NTNG1: variants seen among roughly 807,000 people sequenced by gnomAD.
The protein encoded by NTNG1 is netrin-G1.
Under a neutral mutation model 54.0 loss-of-function variants are expected in NTNG1, and 16 were observed. The ratio of observed to expected loss-of-function variants is 0.30; its 90% CI spans 0.20 to 0.45. NTNG1 has a LOEUF of 0.45. Among genes scored for constraint, NTNG1 ranks in the 20% least tolerant of loss-of-function variants. NTNG1 has a pLI of 1.00. For missense variants in NTNG1, 530 were observed against 678.7 expected (o/e 0.78, Z 2.43); for synonymous variants, 255 against 263.1 (o/e 0.97, Z 0.30).
intron 7 of NTNG1, among the ~76,000 whole-genome samples, chr1:107,451,487 G>T (rs1676624497): frequency 6.6e-6 from 1 of 152,156 alleles, no homozygotes; most frequent in South Asian, 2.1e-4. Flanking sequence ...GACTGTAAGT[G>T]TGACTGTCAT....
At chr1:107,377,820 C>T (rs897091727) in intron 3 of NTNG1, among the ~76,000 whole-genome samples, 2 of 152,244 alleles carry the variant, frequency 1.3e-5, no homozygotes, top group Non-Finnish European at 2.9e-5. Context: ...AGACTTACGT[C>T]ACTAACCAGA....
At chr1:107,310,711 TG>T (rs1189670630) in intron 2 of NTNG1, among the ~76,000 whole-genome samples, 2 of 151,914 alleles carry the variant, frequency 1.3e-5, no homozygotes, top group African/African-American at 2.4e-5. Flanking sequence ...TAGAAAATCT[TG>T]GGGGGGAAAG....
chr1:107,149,412 T>C (rs1452557657), intron 2 of NTNG1, among the ~76,000 whole-genome samples: 1 of 152,156 alleles, frequency 6.6e-6, no homozygotes, highest in Non-Finnish European at 1.5e-5. Context: ...AGAAAAATCT[T>C]ATTTGCCAAC....
At chr1:107,435,896 A>C (rs879851714) in intron 6 of NTNG1, among the ~76,000 whole-genome samples, 2 of 152,174 alleles carry the variant, frequency 1.3e-5, no homozygotes, top group Admixed American at 6.5e-5. Flanking sequence ...AGCAAAATAG[A>C]GCTTCAGAAG....
chr1:107,195,854 T>C (rs947126848), intron 2 of NTNG1, among the ~76,000 whole-genome samples: 1 of 151,974 alleles, frequency 6.6e-6, no homozygotes, highest in Non-Finnish European at 1.5e-5. Flanking sequence ...CTAGACACGC[T>C]TTCTAAAATG....
chr1:107,297,170 ACAT>A (rs1666004480), intron 2 of NTNG1, among the ~76,000 whole-genome samples: 1 of 142,324 alleles, frequency 7.0e-6, no homozygotes, highest in Non-Finnish European at 1.5e-5. Flanking sequence ...CATATATATA[ACAT>A]CATATAACAT....
intron 3 of NTNG1, among the ~76,000 whole-genome samples, chr1:107,356,440 CCCA>C (rs1475872707): frequency 6.6e-6 from 1 of 151,898 alleles, no homozygotes; most frequent in Non-Finnish European, 1.5e-5. Context: ...ATTACAGGCG[CCCA>C]CCACCACACC....
intron 2 of NTNG1, among the ~76,000 whole-genome samples, chr1:107,166,606 T>G (rs1305138999): frequency 2.6e-5 from 4 of 152,136 alleles, no homozygotes; most frequent in African/African-American, 9.7e-5. Flanking sequence ...AATATAAAGA[T>G]CCAATTCAAA....
chr1:107,248,420 A>G (rs1403650960), intron 2 of NTNG1, among the ~76,000 whole-genome samples: 1 of 152,206 alleles, frequency 6.6e-6, no homozygotes, highest in East Asian at 1.9e-4. Context: ...GGTTTAGGAA[A>G]GTCTGGGATT....
intron 4 of NTNG1, among the ~76,000 whole-genome samples, chr1:107,403,962 T>C (rs999647390): frequency 1.3e-5 from 2 of 151,916 alleles, no homozygotes; most frequent in African/African-American, 4.8e-5. Flanking sequence ...TTCCTTCCGT[T>C]CTTTTTAATT....
At chr1:107,221,783 G>C (rs972202436) in intron 2 of NTNG1, among the ~76,000 whole-genome samples, 3 of 152,096 alleles carry the variant, frequency 2.0e-5, no homozygotes, top group Non-Finnish European at 4.4e-5. Context: ...GGACATTTTT[G>C]ACCAAAGGAG....
chr1:107,218,726 G>T (rs989663768), intron 2 of NTNG1, among the ~76,000 whole-genome samples: 13 of 152,128 alleles, frequency 8.5e-5, no homozygotes, highest in African/African-American at 3.1e-4. Context: ...TAGTTTTGCT[G>T]AATACAAAAT....
At chr1:107,359,075 C>A (rs536967165) in intron 3 of NTNG1, among the ~76,000 whole-genome samples, 2 of 152,166 alleles carry the variant, frequency 1.3e-5, no homozygotes, top group Non-Finnish European at 2.9e-5. Flanking sequence ...AACACACACA[C>A]AGGAAATTGC....
chr1:107,385,449 G>T (rs1570826857), intron 3 of NTNG1, among the ~76,000 whole-genome samples: 2 of 152,002 alleles, frequency 1.3e-5, no homozygotes, highest in African/African-American at 4.8e-5. Context: ...AGAAATTGAG[G>T]AATGAGTTTC....
intron 2 of NTNG1, among the ~76,000 whole-genome samples, chr1:107,199,311 G>C (rs1175449085): frequency 2.8e-5 from 4 of 140,430 alleles, no homozygotes; most frequent in Non-Finnish European, 6.2e-5. Flanking sequence ...CTGGAATTTG[G>C]CACACATTAC....
chr1:107,141,396 C>G (rs1653683963), intron 1 of NTNG1: 1 of 149,966 alleles, frequency 6.7e-6, no homozygotes, highest in Non-Finnish European at 1.5e-5. Context: ...GCTGGCTGCG[C>G]AGGGCCGCCG....
intron 7 of NTNG1, among the ~76,000 whole-genome samples, chr1:107,473,745 A>G (rs998807066): frequency 1.3e-5 from 2 of 152,216 alleles, no homozygotes; most frequent in African/African-American, 4.8e-5. Context: ...ACTCATGGCA[A>G]TTGTGAGAGC....
At chr1:107,265,888 C>T (rs1467883866) in intron 2 of NTNG1, among the ~76,000 whole-genome samples, 1 of 152,092 alleles carries the variant, frequency 6.6e-6, no homozygotes, top group Non-Finnish European at 1.5e-5. Context: ...CTCTTTAATT[C>T]AATATCCAGT....
chr1:107,247,941 C>T (rs1662309402), intron 2 of NTNG1, among the ~76,000 whole-genome samples: 1 of 152,188 alleles, frequency 6.6e-6, no homozygotes, highest in Non-Finnish European at 1.5e-5. Context: ...TGGAGAGGCT[C>T]AGACTCACCA....
Sources: allele counts gnomAD v4.1 joint callset (sites outside exome capture counted in the v4.1 genomes callset), GRCh38; gene constraint gnomAD v4.1.1; transcripts MANE v1.5; gene names NCBI Gene and HGNC (gene_info 2026-07-23, HGNC 2026-07-21).